NCLN: variants seen among roughly 807,000 people sequenced by gnomAD.
NCLN encodes the protein BOS complex subunit NCLN.
NCLN carries 34 observed loss-of-function variants against 69.5 expected under a neutral mutation model. The ratio of observed to expected loss-of-function variants is 0.49; its 90% CI spans 0.37 to 0.65. The LOEUF is 0.65. Ranked by LOEUF, NCLN falls within the 30% of genes least tolerant of loss-of-function variation. The pLI, the probability that NCLN is intolerant of heterozygous loss-of-function variation, is 0.00. For synonymous variants in NCLN, 393 were observed against 358.3 expected, an observed-to-expected ratio of 1.10 and a Z score of -1.09; for missense variants, 710 against 804.8, an observed-to-expected ratio of 0.88 and a Z score of 1.42.
rs71164662 is a variant in NCLN at position 3,199,689 on chromosome 19, C to CTTTTTTTTTT, written c.696+810_696+819dup. Among the ~76,000 whole-genome samples, 5 of 69,526 alleles carry CTTTTTTTTTT rather than the reference C, an allele frequency of 7.2e-5. 1 individual carries two copies. Among genetic ancestry groups the CTTTTTTTTTT allele is most frequent in the African/African-American group, 3.4e-4 (5 of 14,556 alleles). The allele number at this position is 69,526 out of a possible 152,430, so 45.6% of individuals were successfully genotyped here. A position where few individuals can be genotyped will look rare whatever the true frequency, so the allele number is the denominator to read the frequency against. On this transcript the variant is annotated intron_variant, in intron 5 of 14. Coordinates refer to ENST00000246117, the MANE Select transcript of NCLN (RefSeq NM_020170.4). ...GTGTCAACCAGCACCCTGCCTCCTC[C>CTTTTTTTTTT]TTTTTTTTTTTTTTTTTTTTTTTTT...
Position 3,205,908 on chromosome 19 carries a change from C to T in NCLN, c.1209-31C>T, listed in dbSNP as rs370268516. ...GCTACCTTGCCTGGCCCAAAGTCCA[C>T]ATTTTAAAACATTGTTTTTGAATCG... On this transcript the variant is annotated intron_variant, in intron 9 of 14. Coordinates refer to ENST00000246117, the MANE Select transcript of NCLN (RefSeq NM_020170.4). The surrounding 1 kb of genome is among the most constrained non-coding windows in gnomAD (Gnocchi z 4.6). 1 of 1,609,926 alleles carries T rather than the reference C, an allele frequency of 6.2e-7. No individual in the cohort carries two copies. The highest frequency in any genetic ancestry group is 1.1e-5 in the South Asian group (1 of 90,980).
intron 2 of NCLN, 35 bp from the exon 3 acceptor site, chr19:3,193,249 G>T: frequency 6.4e-7 from 1 of 1,556,646 alleles, no homozygotes; most frequent in Non-Finnish European, 8.6e-7. Flanking sequence ...CCCCCACCAG[G>T]CCAGCAGCCC....
Position 3,197,122 on chromosome 19 carries a change from C to T in NCLN, c.615+845C>T, listed in dbSNP as rs1485402774. On this transcript the variant is annotated intron_variant, in intron 4 of 14. Transcript: ENST00000246117. ...TTCTGTTTGTTCCTGTTGGATTGTA[C>T]TGTGGGCCCGGGAGGCGCGTCCTAT... Among the ~76,000 whole-genome samples, 6 of 152,340 alleles carry T rather than the reference C, an allele frequency of 3.9e-5. No individual in the cohort carries two copies. In the East Asian group the frequency reaches 1.2e-3, roughly 29 times the overall value.
At chr19:3,189,297 C>T (rs1568309091) in intron 1 of NCLN, among the ~76,000 whole-genome samples, 1 of 152,230 alleles carries the variant, frequency 6.6e-6, no homozygotes, top group African/African-American at 2.4e-5. Context: ...TCCCAGGACC[C>T]GTCAAGTCCA....
At chr19:3,199,716 T>A (rs12984274) in intron 5 of NCLN, among the ~76,000 whole-genome samples, 6,448 of 91,260 alleles carry the variant, frequency 0.071, 589 homozygotes, top group East Asian at 0.46. Context: ...TTTTTTTTTT[T>A]AATTGAGACA....
At position 3,201,643 on chromosome 19, in the gene NCLN, G is replaced by C; in HGVS notation, c.800+17G>C. 2 of 1,516,784 alleles carry C rather than the reference G, an allele frequency of 1.3e-6. No individual in the cohort carries two copies. The highest frequency in any genetic ancestry group is 1.8e-6 in the Non-Finnish European group (2 of 1,131,752). 94.0% of individuals were successfully genotyped at this position (1,516,784 alleles called of 1,614,324 possible). The stretch of plus-strand genomic sequence containing the variant: ...GCACGCCGCGTGAGTGCCGGGGTGG[G>C]CAGGGGGATGGGGGTGCGGGGGCCA... On this transcript the variant is annotated intron_variant, in intron 6 of 14. Coordinates refer to ENST00000246117, the MANE Select transcript of NCLN (RefSeq NM_020170.4).
At chr19:3,191,061 G>A (rs542476137) in intron 1 of NCLN, among the ~76,000 whole-genome samples, 14 of 145,376 alleles carry the variant, frequency 9.6e-5, no homozygotes, top group African/African-American at 3.4e-4. Context: ...CAGGGAGATC[G>A]TCGCGGTGTG....
chr19:3,193,761 T>C (rs1006058923), intron 3 of NCLN, among the ~76,000 whole-genome samples: 2 of 152,204 alleles, frequency 1.3e-5, no homozygotes, highest in African/African-American at 4.8e-5. Context: ...TGTTCAGTTC[T>C]CTACCTGCCA....
At chr19:3,204,962 C>T (rs1301614599) in intron 9 of NCLN, among the ~76,000 whole-genome samples, 3 of 152,218 alleles carry the variant, frequency 2.0e-5, no homozygotes, top group African/African-American at 7.2e-5. Flanking sequence ...GGCCAGCAGC[C>T]TGAGGTCGTG....
At chr19:3,187,056 C>T (rs1463192768) in intron 1 of NCLN, among the ~76,000 whole-genome samples, 2 of 152,168 alleles carry the variant, frequency 1.3e-5, no homozygotes, top group Non-Finnish European at 2.9e-5. Flanking sequence ...TTCTGTCCCG[C>T]CTTTGATGCA....
chr19:3,188,774 C>T (rs532036798), intron 1 of NCLN, among the ~76,000 whole-genome samples: 104 of 152,354 alleles, frequency 6.8e-4, no homozygotes, highest in African/African-American at 2.0e-3. Flanking sequence ...ATGGGGCAGC[C>T]GCCCTGCCTC....
At chr19:3,197,923 G>A (rs1397083622) in intron 4 of NCLN, among the ~76,000 whole-genome samples, 3 of 152,208 alleles carry the variant, frequency 2.0e-5, no homozygotes, top group East Asian at 1.9e-4. Context: ...GCCGGGCTGT[G>A]TAAATAAAGT....
Position 3,206,043 on chromosome 19 carries a change from CTG to C in NCLN, c.1296+20_1296+21del, listed in dbSNP as rs566408239. On this transcript the variant is annotated intron_variant, in intron 10 of 14. Transcript: ENST00000246117. Reference sequence around the variant, plus strand: ...ACAGAGAAGGTGAGCCCTGAGCCCTCTGTGCCGCCAGACCCAGCCCCAGCCCT... The same window carrying C: ...ACAGAGAAGGTGAGCCCTGAGCCCTCTGCCGCCAGACCCAGCCCCAGCCCT... The C allele has an allele frequency of 4.7e-4, 754 of 1,611,702 alleles. 1 individual carries two copies. The highest frequency in any genetic ancestry group is 1.8e-3 in the Admixed American group (108 of 60,004).
chr19:3,208,547 G>T lies in NCLN; in HGVS notation c.*859G>T, dbSNP rs1246642124. 2 of 152,486 alleles carry T rather than the reference G, an allele frequency of 1.3e-5. No individual in the cohort carries two copies. The highest frequency in any genetic ancestry group is 1.9e-4 in the East Asian group (1 of 5,196). 9.4% of individuals were successfully genotyped at this position (152,486 alleles called of 1,614,324 possible). On this transcript the variant is annotated 3_prime_UTR_variant, in exon 15 of 15. Transcript: ENST00000246117. ...CCCAGCTCCCTGCCCTGAGTCCTGA[G>T]CCAGTGCCTGGTGTTTCCTGGGCTC...
chr19:3,193,480 G>T (rs528812577), intron 3 of NCLN, 52 bp downstream of exon 3: 2 of 1,527,294 alleles, frequency 1.3e-6, no homozygotes, highest in East Asian at 2.3e-5. Flanking sequence ...GTGGGGAGGC[G>T]TCCCCATCCC....
intron 4 of NCLN, among the ~76,000 whole-genome samples, 198 bp downstream of exon 4, chr19:3,196,475 G>A (rs928033342): frequency 3.9e-5 from 6 of 152,062 alleles, no homozygotes; most frequent in African/African-American, 9.7e-5. Flanking sequence ...CCGGGGAGTC[G>A]CTCTGTGGAG....
chr19:3,203,871 G>T (rs767453153), intron 7 of NCLN, 27 bp downstream of exon 7: 3 of 1,603,972 alleles, frequency 1.9e-6, no homozygotes, highest in Non-Finnish European at 8.5e-7. Context: ...GGGGGTGGGG[G>T]TGCCGCGGTG....
At chr19:3,187,479 C>T (rs1915700598) in intron 1 of NCLN, among the ~76,000 whole-genome samples, 1 of 152,198 alleles carries the variant, frequency 6.6e-6, no homozygotes, top group Non-Finnish European at 1.5e-5. Context: ...CGCGGGGACC[C>T]CCAGCTTCTG....
chr19:3,187,834 A>G (rs1915709566), intron 1 of NCLN, among the ~76,000 whole-genome samples: 1 of 152,118 alleles, frequency 6.6e-6, no homozygotes, highest in South Asian at 2.1e-4. Flanking sequence ...GGAAGGCCAG[A>G]GGCTCCTCAT....
Sources: allele counts gnomAD v4.1 joint callset (sites outside exome capture counted in the v4.1 genomes callset), GRCh38; gene constraint gnomAD v4.1.1; non-coding constraint Gnocchi (gnomAD v3.1); transcripts MANE v1.5; gene names NCBI Gene and HGNC (gene_info 2026-07-23, HGNC 2026-07-21).